The following CTNNA3 variants were observed in gnomAD, a reference collection of about 807,000 sequenced individuals.
CTNNA3 encodes the protein catenin alpha-3.
CTNNA3 carries 76 observed loss-of-function variants against 95.7 expected under a neutral mutation model. The ratio of observed to expected loss-of-function variants is 0.79; its 90% CI spans 0.66 to 0.96. The LOEUF (loss-of-function observed/expected upper bound fraction) is 0.96. Ranked by LOEUF, CTNNA3 falls within the 40% of genes least tolerant of loss-of-function variation. The pLI, the probability that CTNNA3 is intolerant of heterozygous loss-of-function variation, is 0.00. For missense variants in CTNNA3, 1,191 were observed against 1,089.8 expected (o/e 1.09, Z -1.31); for synonymous variants, 431 against 374.4 (o/e 1.15, Z -1.74).
chr10:66,670,978 A>C lies in CTNNA3; in HGVS notation c.1282-49194T>G, dbSNP rs10997292. Among the ~76,000 whole-genome samples, 184 of 152,358 alleles carry C rather than the reference A, an allele frequency of 1.2e-3. 5 individuals carry two copies. The East Asian group carries it at 0.029, about 24-fold the overall frequency. On this transcript the variant is annotated intron_variant, in intron 9 of 17. Transcript: ENST00000433211. ...TAAAGCTTTTCTATTAGAAGTTTCC[A>C]TTAAGAATGCTTTTGTTTGAGTTGT...
intron 7 of CTNNA3, among the ~76,000 whole-genome samples, chr10:67,023,667 A>T (rs779065131): frequency 1.1e-4 from 16 of 152,222 alleles, no homozygotes; most frequent in Non-Finnish European, 1.9e-4. Context: ...CTATGGAGAA[A>T]AATTGAGTCA....
chr10:67,194,551 A>G (rs1439413468), intron 6 of CTNNA3, among the ~76,000 whole-genome samples: 2 of 152,052 alleles, frequency 1.3e-5, no homozygotes, highest in Non-Finnish European at 2.9e-5. Context: ...AGTGGTTGCC[A>G]GTAGTTAGCA....
intron 12 of CTNNA3, among the ~76,000 whole-genome samples, chr10:66,348,258 G>A (rs769645714): frequency 2.0e-5 from 3 of 152,006 alleles, no homozygotes; most frequent in Non-Finnish European, 4.4e-5. Context: ...ATTTTTATCA[G>A]TCTTAGAATA....
At chr10:66,341,070 A>G (rs1013507510) in intron 12 of CTNNA3, among the ~76,000 whole-genome samples, 5 of 151,936 alleles carry the variant, frequency 3.3e-5, no homozygotes, top group Non-Finnish European at 7.4e-5. Context: ...ATGAACTATC[A>G]TCATCCTAAG....
At chr10:66,243,571 C>T (rs184850188) in intron 13 of CTNNA3, among the ~76,000 whole-genome samples, 3 of 152,170 alleles carry the variant, frequency 2.0e-5, no homozygotes, top group Admixed American at 2.0e-4. Context: ...ATCTGGAAGC[C>T]CCGGCTTTGA....
chr10:66,685,564 G>A lies in CTNNA3; in HGVS notation c.1282-63780C>T, dbSNP rs193246788. Among the ~76,000 whole-genome samples the A allele has an allele frequency of 2.6e-3, 396 of 149,962 alleles. 10 individuals carry two copies. In the East Asian group the frequency reaches 0.054, roughly 20 times the overall value. On this transcript the variant is annotated intron_variant, in intron 9 of 17. Coordinates refer to ENST00000433211, the MANE Select transcript of CTNNA3 (RefSeq NM_013266.4). Reference sequence around the variant, plus strand: ...ACTTTTTGTATTTTTAGTAGAGACAGGGTTTCACCATGTTAGCCAGGATGG... The same window carrying A: ...ACTTTTTGTATTTTTAGTAGAGACAAGGTTTCACCATGTTAGCCAGGATGG...
intron 9 of CTNNA3, among the ~76,000 whole-genome samples, chr10:66,699,350 C>A (rs77615974): frequency 0.013 from 1,956 of 152,132 alleles, 115 homozygotes; most frequent in Admixed American, 0.093. Context: ...CCAGGGTTCC[C>A]TTTTCTTCAC....
chr10:67,693,087 CAA>C (rs1372876088), intron 1 of CTNNA3, among the ~76,000 whole-genome samples: 5 of 152,176 alleles, frequency 3.3e-5, no homozygotes, highest in Non-Finnish European at 7.3e-5. Context: ...CACAGGAACT[CAA>C]AGTCACCTAT....
intron 2 of CTNNA3, among the ~76,000 whole-genome samples, chr10:67,637,504 A>T (rs749212786): frequency 5.9e-5 from 9 of 152,220 alleles, no homozygotes; most frequent in Non-Finnish European, 1.0e-4. Flanking sequence ...AATTCAGGAA[A>T]TACAGAGAAT....
chr10:66,906,773 G>T (rs576506420), intron 7 of CTNNA3, among the ~76,000 whole-genome samples: 7 of 151,660 alleles, frequency 4.6e-5, no homozygotes, highest in African/African-American at 1.7e-4. Flanking sequence ...TTTTTAGTGC[G>T]TCTCTTTTAG....
At chr10:67,410,650 A>C (rs1432177549) in intron 5 of CTNNA3, among the ~76,000 whole-genome samples, 2 of 149,988 alleles carry the variant, frequency 1.3e-5, no homozygotes, top group African/African-American at 2.4e-5. Flanking sequence ...AAAAAAACCC[A>C]CAGAAATAAA....
At chr10:66,840,574 G>A (rs1332796707) in intron 7 of CTNNA3, among the ~76,000 whole-genome samples, 1 of 152,126 alleles carries the variant, frequency 6.6e-6, no homozygotes, top group East Asian at 1.9e-4. Context: ...AAGGTTGGAT[G>A]AGTGAAAGAA....
chr10:66,459,590 T>G (rs1589280508), intron 11 of CTNNA3, among the ~76,000 whole-genome samples: 1 of 152,184 alleles, frequency 6.6e-6, no homozygotes, highest in South Asian at 2.1e-4. Context: ...ATGGTGGGAA[T>G]ACATTCTGAG....
intron 9 of CTNNA3, among the ~76,000 whole-genome samples, chr10:66,720,132 C>T (rs1031129832): frequency 4.6e-5 from 7 of 151,852 alleles, no homozygotes; most frequent in South Asian, 2.1e-4. Flanking sequence ...AGATGTCTCA[C>T]GATGCTAAGG....
intron 5 of CTNNA3, among the ~76,000 whole-genome samples, chr10:67,460,362 T>C (rs1847328334): frequency 6.6e-6 from 1 of 152,190 alleles, no homozygotes; most frequent in Non-Finnish European, 1.5e-5. Flanking sequence ...AAGTGTGTAA[T>C]GGCAGCACAT....
chr10:66,938,142 T>C (rs1275967993), intron 7 of CTNNA3, among the ~76,000 whole-genome samples: 1 of 152,190 alleles, frequency 6.6e-6, no homozygotes, highest in Non-Finnish European at 1.5e-5. Flanking sequence ...ATCAACCTTA[T>C]ATTTCTTTGT....
intron 5 of CTNNA3, among the ~76,000 whole-genome samples, chr10:67,377,251 T>A (rs1843726631): frequency 1.3e-5 from 2 of 152,166 alleles, no homozygotes; most frequent in African/African-American, 2.4e-5. Context: ...AAGAAAACCT[T>A]CTGTACTAGA....
chr10:67,053,987 T>C (rs960635086), intron 7 of CTNNA3, among the ~76,000 whole-genome samples: 3 of 151,568 alleles, frequency 2.0e-5, no homozygotes, highest in East Asian at 3.9e-4. Context: ...GAAAAGTAAC[T>C]CCCTCCCCTA....
intron 7 of CTNNA3, among the ~76,000 whole-genome samples, chr10:66,994,372 G>C (rs1043768892): frequency 1.3e-5 from 2 of 152,200 alleles, no homozygotes; most frequent in African/African-American, 2.4e-5. Context: ...ATTAGGTACA[G>C]TGTGGAACAA....
Sources: allele counts gnomAD v4.1 joint callset (sites outside exome capture counted in the v4.1 genomes callset), GRCh38; gene constraint gnomAD v4.1.1; transcripts MANE v1.5; gene names NCBI Gene and HGNC (gene_info 2026-07-23, HGNC 2026-07-21).